Variants in ZNF550 observed in about 807,000 individuals in gnomAD.
ZNF550 encodes zinc finger protein 550.
In ZNF550, 42 loss-of-function variants were observed where a neutral mutation model predicts 40.2. The observed-to-expected ratio is 1.05, with a 90% CI of 0.82 to 1.35. ZNF550 has a LOEUF of 1.35. Ranked by LOEUF, ZNF550 falls within the 40% of genes most tolerant of loss-of-function variation. The pLI is 0.00. For synonymous variants in ZNF550, 223 were observed against 198.6 expected (o/e 1.12, Z -1.03); for missense variants, 549 against 525.2 (o/e 1.05, Z -0.44).
chr19:57,543,154 T>G lies in ZNF550; in HGVS notation c.*608A>C, dbSNP rs111989513. 2.2e-3 allele frequency: 1,669 copies of G among 770,998 alleles called. 23 individuals are homozygous for G. In the African/African-American group the frequency reaches 0.025, roughly 11 times the overall value. The allele number at this position is 770,998 out of a possible 1,614,324, so 47.8% of individuals were successfully genotyped here. ...CACTTCTGGTGCTTTCCTTCTTGCT[T>G]CTTTCATTTCCTTCGGTGTTGTAGT... On this transcript the variant is annotated 3_prime_UTR_variant, in exon 5 of 5. Coordinates refer to ENST00000457177, the Ensembl canonical transcript of ZNF550.
chr19:57,551,790 C>T (rs1383725701), intron 3 of ZNF550, among the ~76,000 whole-genome samples: 1 of 152,174 alleles, frequency 6.6e-6, no homozygotes, highest in East Asian at 1.9e-4. Flanking sequence ...GCAAATGGCT[C>T]CAGCTACACT....
intron 1 of ZNF550, 133 bp downstream of exon 1, chr19:57,559,523 G>C: frequency 1.2e-6 from 1 of 856,392 alleles, no homozygotes. Flanking sequence ...GGGACCGCGC[G>C]ACCCCCTTCT....
intron 3 of ZNF550, among the ~76,000 whole-genome samples, chr19:57,551,724 T>G (rs1196440773): frequency 6.6e-6 from 1 of 152,186 alleles, no homozygotes; most frequent in Non-Finnish European, 1.5e-5. Flanking sequence ...CAGATGGGGC[T>G]GGCCAAGAAG....
rs1276240733 is a variant in ZNF550, at chr19:57,559,614, C to T, written c.27+42G>A. On this transcript the variant is annotated intron_variant, in intron 1 of 4. Transcript: ENST00000457177. ...CCTTCCGCTCGTCGGGCCCGGGACA[C>T]TGAGGCCGGGTGGCCGCGGGGAGCC... 3 of 1,463,644 alleles carry T rather than the reference C, an allele frequency of 2.0e-6. No individual in the cohort carries two copies. The African/African-American group carries it at 4.2e-5, about 21-fold the overall frequency. The allele number at this position is 1,463,644 out of a possible 1,614,324, so 90.7% of individuals were successfully genotyped here. A position where few individuals can be genotyped will look rare whatever the true frequency, so the allele number is the denominator to read the frequency against.
At chr19:57,547,736 A>G in exon 4 of ZNF550, 2 of 1,614,116 alleles carry the variant, frequency 1.2e-6, no homozygotes, top group African/African-American at 2.7e-5. Context: ...AATGCCCTGG[A>G]GTGCAGACCA....
chr19:57,549,275 T>C (rs566051394), intron 3 of ZNF550, among the ~76,000 whole-genome samples: 2 of 152,158 alleles, frequency 1.3e-5, no homozygotes, highest in Admixed American at 6.5e-5. Context: ...AAATATCTTA[T>C]GTACCCACAT....
exon 4 of ZNF550, chr19:57,547,137 C>T: frequency 6.2e-7 from 1 of 1,610,004 alleles, no homozygotes; most frequent in South Asian, 1.1e-5. Context: ...ATTCATAGGG[C>T]TTCTCCCCAG....
chr19:57,550,608 G>A (rs1401035603), intron 3 of ZNF550, among the ~76,000 whole-genome samples: 2 of 152,218 alleles, frequency 1.3e-5, no homozygotes, highest in African/African-American at 4.8e-5. Flanking sequence ...AGTCCCTAGG[G>A]AGAGAGTCTA....
intron 1 of ZNF550, 139 bp downstream of exon 1, chr19:57,559,517 C>A: frequency 1.2e-6 from 1 of 813,022 alleles, no homozygotes; most frequent in South Asian, 4.5e-5. Flanking sequence ...GGACCCGGGA[C>A]CGCGCGACCC....
intron 3 of ZNF550, 111 bp downstream of exon 3, chr19:57,552,516 G>GC: frequency 1.3e-6 from 1 of 799,132 alleles, no homozygotes; most frequent in Non-Finnish European, 2.0e-6. Flanking sequence ...AAACAACCAG[G>GC]CCCCCGGAAA....
intron 1 of ZNF550, 172 bp from the exon 2 acceptor site, chr19:57,556,529 C>T: frequency 1.5e-5 from 11 of 725,108 alleles, no homozygotes; most frequent in Non-Finnish European, 2.4e-5. Flanking sequence ...TGCCTTTTGA[C>T]AATGCAATTG....
intron 4 of ZNF550, chr19:57,544,686 AATAT>A: frequency 1.3e-6 from 1 of 784,782 alleles, no homozygotes; most frequent in African/African-American, 1.9e-5. Flanking sequence ...TGAAAACATG[AATAT>A]ATATGCAGTG....
chr19:57,553,983 C>G (rs901055436), intron 2 of ZNF550: 1 of 152,332 alleles, frequency 6.6e-6, no homozygotes, highest in Non-Finnish European at 1.5e-5. Context: ...CTAAACCAGC[C>G]TGGCCAACAT....
intron 3 of ZNF550, among the ~76,000 whole-genome samples, chr19:57,550,532 AG>A (rs1451092094): frequency 6.6e-6 from 1 of 152,248 alleles, no homozygotes; most frequent in Non-Finnish European, 1.5e-5. Flanking sequence ...GGTGAAAAGA[AG>A]AAATACACAA....
intron 4 of ZNF550, among the ~76,000 whole-genome samples, chr19:57,545,331 C>T (rs1192592087): frequency 1.3e-5 from 2 of 152,134 alleles, no homozygotes; most frequent in African/African-American, 2.4e-5. Context: ...CTTGGGTTTA[C>T]TGGGTTTACC....
chr19:57,558,710 G>A (rs1157354146), intron 1 of ZNF550, among the ~76,000 whole-genome samples: 1 of 152,090 alleles, frequency 6.6e-6, no homozygotes, highest in African/African-American at 2.4e-5. Context: ...GACACCAGAG[G>A]GAGTCAGAAA....
chr19:57,557,656 C>T (rs1419041009), intron 1 of ZNF550: 1 of 152,144 alleles, frequency 6.6e-6, no homozygotes, highest in Non-Finnish European at 1.5e-5. Flanking sequence ...CTCATCTCCA[C>T]CTTGCAAGAA....
At chr19:57,544,986 G>A (rs2089995512) in intron 4 of ZNF550, among the ~76,000 whole-genome samples, 4 of 152,164 alleles carry the variant, frequency 2.6e-5, no homozygotes, top group Admixed American at 2.6e-4. Flanking sequence ...GCTGGGCATG[G>A]TAGTACATGC....
At chr19:57,546,735 C>T (rs1420580893) in exon 4 of ZNF550, 3 of 1,277,342 alleles carry the variant, frequency 2.3e-6, no homozygotes, top group Non-Finnish European at 3.0e-6. Flanking sequence ...ATGAATCCTT[C>T]TGCAATGAGT....
Sources: gnomAD v4.1 joint callset for allele counts (sites outside exome capture counted in the v4.1 genomes callset) on GRCh38, gnomAD v4.1.1 for gene constraint, MANE v1.5 for transcripts, NCBI Gene and HGNC (gene_info 2026-07-23, HGNC 2026-07-21) for gene names.